The following PRKN variants were observed in gnomAD, a reference collection of about 807,000 sequenced individuals.
PRKN encodes the protein E3 ubiquitin-protein ligase parkin.
PRKN carries 56 observed loss-of-function variants against 59.5 expected under a neutral mutation model. The observed-to-expected ratio is 0.94, with a 90% CI of 0.76 to 1.18. The LOEUF (loss-of-function observed/expected upper bound fraction) is 1.18. PRKN is among the 50% of genes most tolerant of loss of function. The probability of loss-of-function intolerance (pLI) is 0.00; values close to 1 mark genes in which losing one functional copy is unlikely to be tolerated. For synonymous variants in PRKN, 250 were observed against 222.1 expected (o/e 1.13, Z -1.12); for missense variants, 657 against 596.4 (o/e 1.10, Z -1.06).
chr6:161,617,550 A>G (rs977107766), intron 7 of PRKN, among the ~76,000 whole-genome samples: 1 of 152,270 alleles, frequency 6.6e-6, no homozygotes, highest in Non-Finnish European at 1.5e-5. Context: ...ATTACTGTAA[A>G]GCCAGCATAC....
rs570161917 is a variant in PRKN at position 162,261,948 on chromosome 6, T to C, written c.412+577A>G. On this transcript the variant is annotated intron_variant, in intron 3 of 11. Coordinates refer to ENST00000366898, the MANE Select transcript of PRKN (RefSeq NM_004562.3). ...AGCCCACAACTGCCAGGATCTATTG[T>C]ATGTGGGAGGAAAATCAACTTCTAC... Among the ~76,000 whole-genome samples, 9 of 152,280 alleles carry C rather than the reference T, an allele frequency of 5.9e-5. No homozygotes were observed. In the East Asian group the frequency reaches 1.7e-3, roughly 29 times the overall value.
Position 161,466,491 on chromosome 6 carries a change from G to A in PRKN, c.1084-79614C>T, listed in dbSNP as rs960660832. Among the ~76,000 whole-genome samples the A allele has an allele frequency of 1.3e-5, 2 of 152,094 alleles. No individual in the cohort carries two copies. The highest frequency in any genetic ancestry group is 1.3e-4 in the Admixed American group (2 of 15,266). On this transcript the variant is annotated intron_variant, in intron 9 of 11. Coordinates refer to ENST00000366898, the MANE Select transcript of PRKN (RefSeq NM_004562.3). The surrounding 1 kb of genome is among the most constrained non-coding windows in gnomAD (Gnocchi z 5.0). ...CTAGTTTCTATTTTTGCACTCATCT[G>A]CTCTGATCTGTTTAGGCAGAAGCTT...
At chr6:161,622,166 C>T (rs903546422) in intron 7 of PRKN, among the ~76,000 whole-genome samples, 1 of 152,100 alleles carries the variant, frequency 6.6e-6, no homozygotes, top group African/African-American at 2.4e-5. Flanking sequence ...GGGGGGCTGC[C>T]CTCTATTCCT....
At chr6:162,589,072 A>G (rs756688280) in intron 1 of PRKN, among the ~76,000 whole-genome samples, 27 of 152,078 alleles carry the variant, frequency 1.8e-4, no homozygotes, top group Non-Finnish European at 3.4e-4. Flanking sequence ...TGGCTCATCA[A>G]TCTTGTACTG....
At chr6:161,758,200 T>C (rs542672501) in intron 7 of PRKN, among the ~76,000 whole-genome samples, 3 of 152,000 alleles carry the variant, frequency 2.0e-5, no homozygotes, top group African/African-American at 7.2e-5. Context: ...CTCTAAAATA[T>C]GATTTAGTCA....
intron 6 of PRKN, among the ~76,000 whole-genome samples, chr6:161,860,907 G>T (rs926066039): frequency 6.6e-6 from 1 of 152,224 alleles, no homozygotes; most frequent in East Asian, 1.9e-4. Context: ...TCAGAATGGC[G>T]ATTATTAAAA....
chr6:162,276,775 T>C (rs889955870), intron 2 of PRKN, among the ~76,000 whole-genome samples: 5 of 151,994 alleles, frequency 3.3e-5, no homozygotes, highest in Admixed American at 6.6e-5. Context: ...ATATACTTTT[T>C]TCGCTTAATT....
intron 6 of PRKN, among the ~76,000 whole-genome samples, chr6:161,922,854 G>T (rs1344368413): frequency 1.3e-5 from 2 of 152,136 alleles, no homozygotes; most frequent in African/African-American, 4.8e-5. Context: ...GGATTTTATA[G>T]CAAACTCAAT....
At chr6:162,186,972 G>A (rs1260455102) in intron 4 of PRKN, among the ~76,000 whole-genome samples, 1 of 152,172 alleles carries the variant, frequency 6.6e-6, no homozygotes, top group Non-Finnish European at 1.5e-5. Flanking sequence ...AATACAGAGA[G>A]TGAGTTCAGG....
chr6:162,069,348 T>C (rs907351559), intron 4 of PRKN, among the ~76,000 whole-genome samples: 1 of 152,182 alleles, frequency 6.6e-6, no homozygotes, highest in South Asian at 2.1e-4. Context: ...TCCCCAGTCA[T>C]GTGGAACTGT....
intron 7 of PRKN, among the ~76,000 whole-genome samples, chr6:161,745,170 T>C (rs181729979): frequency 3.9e-5 from 6 of 152,348 alleles, no homozygotes; most frequent in Admixed American, 3.9e-4. Context: ...GATCTGGTTC[T>C]TCCCTTAAAA....
chr6:162,581,837 G>A (rs35383933), intron 1 of PRKN, among the ~76,000 whole-genome samples: 15,466 of 152,128 alleles, frequency 0.1, 937 homozygotes, highest in Middle Eastern at 0.19. Context: ...TTACTTAACT[G>A]AACTATCTGC....
At chr6:161,574,137 G>A (rs1226171589) in intron 7 of PRKN, among the ~76,000 whole-genome samples, 2 of 151,998 alleles carry the variant, frequency 1.3e-5, no homozygotes, top group South Asian at 4.2e-4. Context: ...TAAGAAGACC[G>A]TGGACGGCTA....
At chr6:161,660,405 G>T (rs147399719) in intron 7 of PRKN, among the ~76,000 whole-genome samples, 1 of 152,244 alleles carries the variant, frequency 6.6e-6, no homozygotes, top group African/African-American at 2.4e-5. Flanking sequence ...TACGAAACTT[G>T]AAAGGACAGG....
At chr6:162,162,398 G>A (rs981473914) in intron 4 of PRKN, among the ~76,000 whole-genome samples, 1 of 152,084 alleles carries the variant, frequency 6.6e-6, no homozygotes, top group East Asian at 1.9e-4. Flanking sequence ...TTTTGGTATC[G>A]GTGAGGAGTC....
In PRKN at chr6:161,401,146, C is replaced by T. The variant is rs1481074249; in HGVS notation, c.1084-14269G>A. Among the ~76,000 whole-genome samples the T allele has an allele frequency of 6.6e-6, 1 of 152,122 alleles. No individual in the cohort carries two copies. Among genetic ancestry groups the T allele is most frequent in the Non-Finnish European group, 1.5e-5 (1 of 68,020 alleles). The stretch of plus-strand genomic sequence containing the variant: ...TAATTTAGCCAACAAAGAAGGTTGG[C>T]TCAAAGACACCTGTTTTTGCATGTA... On this transcript the variant is annotated intron_variant, in intron 9 of 11. Coordinates refer to ENST00000366898, the MANE Select transcript of PRKN (RefSeq NM_004562.3). This position sits in a 1 kb window ranked among gnomAD's most constrained non-coding sequence, Gnocchi z 4.4.
At chr6:162,069,459 T>C (rs1270367038) in intron 4 of PRKN, among the ~76,000 whole-genome samples, 1 of 152,186 alleles carries the variant, frequency 6.6e-6, no homozygotes, top group Non-Finnish European at 1.5e-5. Context: ...AAATACCAGA[T>C]GTAACCAGAA....
rs530789978 is a variant in PRKN, at chr6:161,978,031, GTATTT to G, written c.619-4619_619-4615del. 7.9e-4 allele frequency among the ~76,000 whole-genome samples: 101 copies of G among 128,522 alleles called. 2 individuals are homozygous for G. In the South Asian group the frequency reaches 0.011, roughly 14 times the overall value. The allele number at this position is 128,522 out of a possible 152,430, so 84.3% of individuals were successfully genotyped here. Reference sequence around the variant, plus strand: ...TTATTTTATTGTATTTTATTTTATTGTATTTTATTTTATTTTATTTTATTTTATTT... The same window carrying G: ...TTATTTTATTGTATTTTATTTTATTGTATTTTATTTTATTTTATTTTATTT... On this transcript the variant is annotated intron_variant, in intron 5 of 11. Coordinates refer to ENST00000366898, the MANE Select transcript of PRKN (RefSeq NM_004562.3).
At chr6:162,241,175 T>A (rs80326076) in intron 3 of PRKN, among the ~76,000 whole-genome samples, 8,440 of 150,994 alleles carry the variant, frequency 0.056, 272 homozygotes, top group Non-Finnish European at 0.064. Flanking sequence ...ATTACTGTTA[T>A]CATCATCATT....
Sources: gnomAD v4.1 joint callset for allele counts (sites outside exome capture counted in the v4.1 genomes callset) on GRCh38, gnomAD v4.1.1 for gene constraint, Gnocchi (gnomAD v3.1) non-coding constraint, MANE v1.5 for transcripts, NCBI Gene and HGNC (gene_info 2026-07-23, HGNC 2026-07-21) for gene names.